Variants in PTPRD observed in about 807,000 individuals in gnomAD.
PTPRD encodes receptor-type tyrosine-protein phosphatase delta.
PTPRD carries 34 observed loss-of-function variants against 214.5 expected under a neutral mutation model. That is an observed-to-expected ratio of 0.16 (90% CI 0.12 to 0.21). The LOEUF (loss-of-function observed/expected upper bound fraction) is 0.21. Among genes scored for constraint, PTPRD ranks in the 10% least tolerant of loss-of-function variants. The probability of loss-of-function intolerance (pLI) is 1.00; values close to 1 mark genes in which losing one functional copy is unlikely to be tolerated. For synonymous variants in PTPRD, 1,128 were observed against 845.7 expected (o/e 1.33, Z -5.79); for missense variants, 2,545 against 2,398.7 (o/e 1.06, Z -1.27).
At chr9:10,447,170 G>A (rs1340347662) in intron 2 of PTPRD, among the ~76,000 whole-genome samples, 1 of 150,390 alleles carries the variant, frequency 6.6e-6, no homozygotes, top group African/African-American at 2.5e-5. Context: ...TAGATCTCCT[G>A]ATGTGCAGCA....
At position 8,518,051 on chromosome 9, in the gene PTPRD, T is replaced by A. The variant is rs2097818310; in HGVS notation, c.1340A>T (p.Gln447Leu). 1.3e-5 allele frequency: 21 copies of A among 1,614,222 alleles called. No homozygotes were observed. The highest frequency in any genetic ancestry group is 1.8e-5 in the Non-Finnish European group (21 of 1,180,030). The part of the protein sequence containing the change: ...QWKEPEEPNG[Q>L]IQGYRVYYTM... ...ATAATAAACTCTATATCCTTGGATCTGTCCATTTGGCTCTTCAGGTTCCTT... is the reference window on the plus strand; with the variant it reads ...ATAATAAACTCTATATCCTTGGATCAGTCCATTTGGCTCTTCAGGTTCCTT... Residue 447 changes from glutamine (Q) to leucine (L), a missense_variant, in exon 21 of 46, where the codon CAG becomes CTG. Coordinates refer to ENST00000381196, the MANE Select transcript of PTPRD (RefSeq NM_002839.4).
chr9:10,488,436 G>A (rs1316487153), intron 2 of PTPRD, among the ~76,000 whole-genome samples: 1 of 151,172 alleles, frequency 6.6e-6, no homozygotes, highest in Non-Finnish European at 1.5e-5. Flanking sequence ...TCTTGCCCAA[G>A]GCCCACTGTA....
chr9:8,394,127 G>A (rs1398247571), intron 36 of PTPRD, among the ~76,000 whole-genome samples: 2 of 151,852 alleles, frequency 1.3e-5, no homozygotes, highest in South Asian at 2.1e-4. Context: ...AAATGAGCCT[G>A]GATACAGACT....
chr9:10,394,378 T>A (rs1409000958), intron 2 of PTPRD, among the ~76,000 whole-genome samples: 2 of 151,574 alleles, frequency 1.3e-5, no homozygotes, highest in Non-Finnish European at 2.9e-5. Flanking sequence ...AGCCCTTATC[T>A]TGAATAATTT....
intron 2 of PTPRD, among the ~76,000 whole-genome samples, chr9:10,419,836 TTTTAG>T (rs1386518168): frequency 6.6e-6 from 1 of 151,802 alleles, no homozygotes; most frequent in East Asian, 1.9e-4. Context: ...GTGAGACATA[TTTTAG>T]TTAATACTAG....
chr9:8,869,031 C>A (rs927776556), intron 11 of PTPRD, among the ~76,000 whole-genome samples: 2 of 152,136 alleles, frequency 1.3e-5, no homozygotes, highest in Non-Finnish European at 2.9e-5. Context: ...TAAATTCCAA[C>A]CACCCTACCT....
chr9:9,848,088 G>GA (rs1441513190), intron 5 of PTPRD, among the ~76,000 whole-genome samples: 2 of 152,098 alleles, frequency 1.3e-5, no homozygotes, highest in Non-Finnish European at 2.9e-5. Context: ...GAGAGCACTG[G>GA]AAAGGGGGAA....
chr9:9,417,727 G>A (rs2077408436), intron 8 of PTPRD, among the ~76,000 whole-genome samples: 2 of 152,058 alleles, frequency 1.3e-5, no homozygotes, highest in Non-Finnish European at 2.9e-5. Flanking sequence ...ATTGCATTTA[G>A]AAAGTCATTT....
At chr9:10,167,772 G>A (rs1439733407) in intron 3 of PTPRD, among the ~76,000 whole-genome samples, 1 of 152,030 alleles carries the variant, frequency 6.6e-6, no homozygotes, top group Admixed American at 6.6e-5. Flanking sequence ...CTGTGTGATA[G>A]AAGATAAAGG....
chr9:9,866,815 A>G (rs928174454), intron 5 of PTPRD, among the ~76,000 whole-genome samples: 1 of 152,140 alleles, frequency 6.6e-6, no homozygotes, highest in Non-Finnish European at 1.5e-5. Flanking sequence ...TCTAAGTTTA[A>G]TGCCTAAACA....
chr9:9,336,375 G>A (rs1332747303), intron 9 of PTPRD, among the ~76,000 whole-genome samples: 1 of 152,020 alleles, frequency 6.6e-6, no homozygotes, highest in Admixed American at 6.6e-5. Flanking sequence ...TCAACTTTTG[G>A]GTTCCTAAAT....
intron 3 of PTPRD, among the ~76,000 whole-genome samples, chr9:10,266,128 G>T (rs1343714714): frequency 6.6e-6 from 1 of 152,004 alleles, no homozygotes; most frequent in Non-Finnish European, 1.5e-5. Flanking sequence ...TACACATGTG[G>T]ACAGACACAC....
chr9:9,362,474 A>G (rs972146179), intron 9 of PTPRD, among the ~76,000 whole-genome samples: 7 of 151,214 alleles, frequency 4.6e-5, no homozygotes, highest in Non-Finnish European at 8.9e-5. Flanking sequence ...CAAGGATGAA[A>G]TGTATGAGAG....
chr9:8,599,646 G>A (rs1471933061), intron 14 of PTPRD, among the ~76,000 whole-genome samples: 4 of 62,828 alleles, frequency 6.4e-5, no homozygotes, highest in Non-Finnish European at 1.1e-4. Context: ...TTTTTGAAAC[G>A]GAGTTTCACT....
intron 10 of PTPRD, among the ~76,000 whole-genome samples, chr9:9,087,032 T>C (rs1186221734): frequency 1.3e-5 from 2 of 152,198 alleles, no homozygotes; most frequent in Non-Finnish European, 2.9e-5. Flanking sequence ...TTCCTAATTA[T>C]GTCAGAGCTC....
chr9:8,326,215 A>G (rs980393978), intron 44 of PTPRD, among the ~76,000 whole-genome samples: 2 of 152,316 alleles, frequency 1.3e-5, no homozygotes, highest in South Asian at 2.1e-4. Flanking sequence ...TTTGTCATAA[A>G]TAGCTCTTCT....
intron 9 of PTPRD, among the ~76,000 whole-genome samples, chr9:9,342,969 G>A (rs2047402611): frequency 6.6e-6 from 1 of 152,042 alleles, no homozygotes; most frequent in African/African-American, 2.4e-5. Context: ...ACTTATGAGT[G>A]AGAACATGTG....
chr9:8,886,125 G>A (rs78242377), intron 11 of PTPRD, among the ~76,000 whole-genome samples: 13,059 of 152,166 alleles, frequency 0.086, 761 homozygotes, highest in Middle Eastern at 0.12. Context: ...GGAAGAAAAC[G>A]AAATGAAAAA....
intron 3 of PTPRD, among the ~76,000 whole-genome samples, chr9:10,045,544 C>T (rs2097372738): frequency 6.6e-6 from 1 of 151,552 alleles, no homozygotes; most frequent in Non-Finnish European, 1.5e-5. Context: ...TCACTATCTG[C>T]CTTTAGGTGT....
Sources: allele counts gnomAD v4.1 joint callset (sites outside exome capture counted in the v4.1 genomes callset), GRCh38; gene constraint gnomAD v4.1.1; transcripts MANE v1.5; gene names NCBI Gene and HGNC (gene_info 2026-07-23, HGNC 2026-07-21).